The following STXBP5L variants were observed in gnomAD, a reference collection of about 807,000 sequenced individuals.
The protein encoded by STXBP5L is syntaxin-binding protein 5-like.
In STXBP5L, 65 loss-of-function variants were observed where a neutral mutation model predicts 144.5. The observed-to-expected ratio is 0.45, with a 90% CI of 0.37 to 0.55. The LOEUF is 0.55. Among genes scored for constraint, STXBP5L ranks in the 20% least tolerant of loss-of-function variants. The pLI, the probability that STXBP5L is intolerant of heterozygous loss-of-function variation, is 0.00. For synonymous variants in STXBP5L, 505 were observed against 469.6 expected (o/e 1.08, Z -0.97); for missense variants, 1,298 against 1,405.5 (o/e 0.92, Z 1.22).
At chr3:121,194,546 G>C (rs114511362) in intron 9 of STXBP5L, among the ~76,000 whole-genome samples, 1,710 of 151,490 alleles carry the variant, frequency 0.011, 20 homozygotes, top group Non-Finnish European at 0.014. Flanking sequence ...TTAACATTTA[G>C]AGGACATAAC....
chr3:120,969,057 A>G (rs1939933922), intron 3 of STXBP5L, among the ~76,000 whole-genome samples: 1 of 152,126 alleles, frequency 6.6e-6, no homozygotes, highest in Admixed American at 6.5e-5. Flanking sequence ...GTAGATACTC[A>G]GTAGTGGGAT....
chr3:121,303,699 T>G (rs1432385649), intron 19 of STXBP5L, among the ~76,000 whole-genome samples: 1 of 152,078 alleles, frequency 6.6e-6, no homozygotes, highest in Non-Finnish European at 1.5e-5. Flanking sequence ...TATGCAGCCA[T>G]AAAAATGGAT....
chr3:121,356,565 G>A (rs1358586900), intron 20 of STXBP5L, among the ~76,000 whole-genome samples: 2 of 152,230 alleles, frequency 1.3e-5, no homozygotes, highest in Admixed American at 6.5e-5. Context: ...TATTTGGGTG[G>A]GAGTATCCCA....
At chr3:121,112,612 G>C (rs983588653) in intron 5 of STXBP5L, among the ~76,000 whole-genome samples, 1 of 151,790 alleles carries the variant, frequency 6.6e-6, no homozygotes, top group African/African-American at 2.4e-5. Context: ...AATCATCTTG[G>C]TCCCTCCCGG....
rs563852259 is a variant in STXBP5L, at chr3:121,186,112, G to A, written c.878-19811G>A. 3.1e-3 allele frequency among the ~76,000 whole-genome samples: 466 copies of A among 152,284 alleles called. 5 individuals carry two copies. Among genetic ancestry groups the A allele is most frequent in the African/African-American group, 0.011 (449 of 41,558 alleles). On this transcript the variant is annotated intron_variant, in intron 9 of 26. Transcript: ENST00000471454. ...GGCTCTCTGTTTGTCTGTTATTGGT[G>A]TATAAGAATGCTTGTGATTTTTGCA...
At chr3:121,399,190 A>G (rs1303318211) in intron 22 of STXBP5L, among the ~76,000 whole-genome samples, 1 of 152,086 alleles carries the variant, frequency 6.6e-6, no homozygotes, top group Non-Finnish European at 1.5e-5. Flanking sequence ...TCCAAGGTGG[A>G]ATGAACCAGA....
In STXBP5L at chr3:121,125,447, G is replaced by A. The variant is rs967876266; in HGVS notation, c.669+3743G>A. 9.9e-5 allele frequency among the ~76,000 whole-genome samples: 15 copies of A among 151,964 alleles called. 1 individual carries two copies. Among genetic ancestry groups the A allele is most frequent in the Admixed American group, 8.5e-4 (13 of 15,230 alleles). On this transcript the variant is annotated intron_variant, in intron 7 of 26. Coordinates refer to ENST00000471454, the MANE Select transcript of STXBP5L (RefSeq NM_001308330.2). ...CATTATGCCACTGCATTCCAGCCTG[G>A]GCAACAGAGCAAGACTCCATCTCAA...
intron 9 of STXBP5L, among the ~76,000 whole-genome samples, chr3:121,178,599 CAG>C (rs1254424223): frequency 6.6e-6 from 1 of 152,116 alleles, no homozygotes; most frequent in Non-Finnish European, 1.5e-5. Context: ...AACAAGTTTG[CAG>C]AGTGTGAGAT....
intron 22 of STXBP5L, among the ~76,000 whole-genome samples, chr3:121,388,903 A>T (rs111442251): frequency 0.017 from 2,638 of 152,340 alleles, 70 homozygotes; most frequent in African/African-American, 0.059. Context: ...TGTGGGCCTC[A>T]TAAAATGAAT....
intron 3 of STXBP5L, among the ~76,000 whole-genome samples, chr3:120,964,683 A>C (rs560780469): frequency 3.3e-5 from 5 of 152,316 alleles, no homozygotes; most frequent in South Asian, 2.1e-4. Context: ...GGAGTGCTTT[A>C]GTTCCAATTA....
intron 5 of STXBP5L, among the ~76,000 whole-genome samples, chr3:121,094,547 G>A (rs528213485): frequency 2.0e-4 from 30 of 151,878 alleles, no homozygotes; most frequent in Middle Eastern, 3.4e-3. Flanking sequence ...TGTCCCTTTT[G>A]ATCTTTGTTG....
intron 14 of STXBP5L, among the ~76,000 whole-genome samples, chr3:121,242,334 G>A (rs1168051425): frequency 6.6e-6 from 1 of 152,120 alleles, no homozygotes; most frequent in Non-Finnish European, 1.5e-5. Context: ...ACATTGTCTG[G>A]TGTGGTTCTA....
At chr3:121,060,842 A>G (rs1313192350) in intron 5 of STXBP5L, among the ~76,000 whole-genome samples, 1 of 151,878 alleles carries the variant, frequency 6.6e-6, no homozygotes, top group Non-Finnish European at 1.5e-5. Context: ...TTTTTACTGC[A>G]TCTATTTGAT....
At chr3:121,067,822 A>G (rs941322292) in intron 5 of STXBP5L, among the ~76,000 whole-genome samples, 1 of 152,146 alleles carries the variant, frequency 6.6e-6, no homozygotes, top group African/African-American at 2.4e-5. Context: ...TGTATTTATT[A>G]CTTTATCATT....
chr3:120,969,630 TGAG>T (rs775040254), intron 3 of STXBP5L, among the ~76,000 whole-genome samples: 7 of 152,066 alleles, frequency 4.6e-5, no homozygotes, highest in Non-Finnish European at 1.0e-4. Flanking sequence ...GTCAATGTCT[TGAG>T]GAGTTTTTCC....
At chr3:121,038,811 T>C (rs1946941175) in intron 3 of STXBP5L, among the ~76,000 whole-genome samples, 1 of 151,892 alleles carries the variant, frequency 6.6e-6, no homozygotes, top group Non-Finnish European at 1.5e-5. Context: ...GTTTTTTTAA[T>C]AATTTAACCC....
intron 3 of STXBP5L, among the ~76,000 whole-genome samples, chr3:121,032,283 T>G (rs1439118273): frequency 6.6e-6 from 1 of 151,496 alleles, no homozygotes; most frequent in Non-Finnish European, 1.5e-5. Flanking sequence ...AGTCTTGTTA[T>G]TATAAAAAGC....
intron 18 of STXBP5L, among the ~76,000 whole-genome samples, chr3:121,277,676 A>T (rs1444795094): frequency 6.6e-6 from 1 of 151,656 alleles, no homozygotes; most frequent in East Asian, 1.9e-4. Context: ...TATGCCTGCT[A>T]CTTTTTATAT....
chr3:120,914,909 C>G (rs1044812911), intron 2 of STXBP5L, among the ~76,000 whole-genome samples: 4 of 151,938 alleles, frequency 2.6e-5, no homozygotes, highest in African/African-American at 9.7e-5. Flanking sequence ...AGCCAGATGA[C>G]TCAGTACTCC....
Sources: allele counts gnomAD v4.1 joint callset (sites outside exome capture counted in the v4.1 genomes callset), GRCh38; gene constraint gnomAD v4.1.1; transcripts MANE v1.5; gene names NCBI Gene and HGNC (gene_info 2026-07-23, HGNC 2026-07-21).